Variants in SLC5A6 observed in about 807,000 individuals in gnomAD.
SLC5A6 encodes the protein solute carrier family 5 member 6.
In SLC5A6, 31 loss-of-function variants were observed where a neutral mutation model predicts 67.9. That is an observed-to-expected ratio of 0.46 (90% CI 0.34 to 0.62). SLC5A6 has a LOEUF of 0.62. SLC5A6 is among the 20% of genes least tolerant of loss of function. SLC5A6 has a pLI of 0.01. For missense variants in SLC5A6, 673 were observed against 812.8 expected (o/e 0.83, Z 2.09); for synonymous variants, 343 against 331.0 (o/e 1.04, Z -0.39).
intron 2 of SLC5A6, among the ~76,000 whole-genome samples, chr2:27,209,313 C>T (rs897921950): frequency 6.6e-6 from 1 of 152,248 alleles, no homozygotes; most frequent in Non-Finnish European, 1.5e-5. Flanking sequence ...CATGTAGTTA[C>T]ACAGCCTAAC....
At chr2:27,204,672 A>T (rs1673916817) in intron 8 of SLC5A6, 82 bp from the exon 9 acceptor site, 1 of 1,598,210 alleles carries the variant, frequency 6.3e-7, no homozygotes. Context: ...CAGAAAGGAG[A>T]CCCACATCCT....
intron 12 of SLC5A6, 93 bp downstream of exon 12, chr2:27,202,720 C>G: frequency 2.8e-6 from 3 of 1,084,544 alleles, no homozygotes; most frequent in Non-Finnish European, 2.8e-6. Flanking sequence ...GCCCCCCGGT[C>G]ATTCCCCTCA....
rs971183086 is a variant in SLC5A6 at position 27,206,071 on chromosome 2, C to A, written c.534G>T (p.Leu178=). 2 of 1,614,070 alleles carry A rather than the reference C, an allele frequency of 1.2e-6. No homozygotes were observed. The highest frequency in any genetic ancestry group is 2.7e-5 in the African/African-American group (2 of 74,934). Residue 178 remains leucine (L), a synonymous_variant, in exon 6 of 17, where the codon CTG becomes CTT. Coordinates refer to ENST00000310574, the MANE Select transcript of SLC5A6 (RefSeq NM_021095.4). ...AGACAATGCCCAGGGCCAGCACGGACAGCCACAGATCAAAGCCAGTCACTG... is the reference window on the plus strand; with the variant it reads ...AGACAATGCCCAGGGCCAGCACGGAAAGCCACAGATCAAAGCCAGTCACTG... ...LNAVTGFDLW[L]SVLALGIVCT... is the part of the protein sequence containing the mutation.
Position 27,207,074 on chromosome 2 carries a change from C to T in SLC5A6, c.394-132G>A. 9.9e-7 allele frequency: 1 copy of T among 1,012,914 alleles called. No homozygotes were observed. The highest frequency in any genetic ancestry group is 1.6e-6 in the Non-Finnish European group (1 of 644,096). 62.7% of individuals were successfully genotyped at this position (1,012,914 alleles called of 1,614,324 possible). A position where few individuals can be genotyped will look rare whatever the true frequency, so the allele number is the denominator to read the frequency against. Reference sequence around the variant, plus strand: ...ACTCTGAGTCCTACTCGGCATAGCACCCTCCTCTCCAATCCTGCCCCTATA... The same window carrying T: ...ACTCTGAGTCCTACTCGGCATAGCATCCTCCTCTCCAATCCTGCCCCTATA... On this transcript the variant is annotated intron_variant, in intron 3 of 16. Coordinates refer to ENST00000310574, the MANE Select transcript of SLC5A6 (RefSeq NM_021095.4). This position sits in a 1 kb window ranked among gnomAD's most constrained non-coding sequence, Gnocchi z 5.5.
At chr2:27,212,653 G>C, upstream of SLC5A6, 11 of 1,395,850 alleles carry the variant, frequency 7.9e-6, no homozygotes, top group Non-Finnish European at 1.0e-5. Context: ...CGGCGCCCCA[G>C]TCCTGCCGAC....
At chr2:27,201,560 C>T in intron 14 of SLC5A6, 106 bp downstream of exon 14, 1 of 1,379,444 alleles carries the variant, frequency 7.2e-7, no homozygotes, top group East Asian at 2.3e-5. Context: ...ACCCAATACC[C>T]AACATTTCCC....
chr2:27,200,647 CA>C, intron 16 of SLC5A6, 68 bp from the exon 17 acceptor site: 5 of 1,505,550 alleles, frequency 3.3e-6, no homozygotes, highest in South Asian at 1.3e-5. Flanking sequence ...AGGATTCACA[CA>C]AAAAAGGTCC....
In SLC5A6 at chr2:27,207,086, A is replaced by G; in HGVS notation, c.394-144T>C. On this transcript the variant is annotated intron_variant, in intron 3 of 16. Coordinates refer to ENST00000310574, the MANE Select transcript of SLC5A6 (RefSeq NM_021095.4). The surrounding 1 kb of genome is among the most constrained non-coding windows in gnomAD (Gnocchi z 5.5). ...ACTCGGCATAGCACCCTCCTCTCCAATCCTGCCCCTATACCTAACATCACT... is the reference window on the plus strand; with the variant it reads ...ACTCGGCATAGCACCCTCCTCTCCAGTCCTGCCCCTATACCTAACATCACT... 9.7e-7 allele frequency: 1 copy of G among 1,028,442 alleles called. No homozygotes were observed. The highest frequency in any genetic ancestry group is 1.5e-6 in the Non-Finnish European group (1 of 662,752). The allele number at this position is 1,028,442 out of a possible 1,614,324, so 63.7% of individuals were successfully genotyped here.
chr2:27,207,402 C>T lies in SLC5A6; in HGVS notation c.249G>A (p.Val83=). 6.2e-7 allele frequency: 1 copy of T among 1,614,150 alleles called. No homozygotes were observed. The highest frequency in any genetic ancestry group is 8.5e-7 in the Non-Finnish European group (1 of 1,180,022). Residue 83 remains valine, a synonymous_variant, in exon 3 of 17, where the codon GTG becomes GTA. Transcript: ENST00000310574. The surrounding 1 kb of genome is among the most constrained non-coding windows in gnomAD (Gnocchi z 5.5). The stretch of plus-strand genomic sequence containing the variant: ...TCTCTGACGGCACACCCAGGATGGC[C>T]ACGGCTGACTGGAAGGTGGCCAGCA... ...LSLLATFQSA[V]AILGVPSEIY...
At chr2:27,201,160 C>G (rs1673606281) in intron 15 of SLC5A6, 47 bp from the exon 16 acceptor site, 3 of 1,430,520 alleles carry the variant, frequency 2.1e-6, no homozygotes, top group African/African-American at 1.4e-5. Context: ...CCATCCACAG[C>G]AGCGGGCCCC....
chr2:27,206,586 G>C (rs1276508173), intron 4 of SLC5A6, 52 bp from the exon 5 acceptor site: 5 of 1,548,036 alleles, frequency 3.2e-6, no homozygotes, highest in Non-Finnish European at 4.5e-6. Context: ...TGGGAAGAGA[G>C]AGGAAGAAAG....
chr2:27,203,823 G>A lies in SLC5A6; in HGVS notation c.1050C>T (p.Gly350=). ...GGCAGGCAATGAAGAGCCCTGGCAG[G>A]CCTGGCAGGCCCTTCAGGAGATCCA... ...FVMDLLKGLP[G]LPGLFIACLF... The change falls in exon 10 of 17, where the codon GGC becomes GGT. Residue 350 remains glycine (G), a synonymous_variant. Transcript: ENST00000310574. The A allele has an allele frequency of 6.2e-7, 1 of 1,614,048 alleles. No individual in the cohort carries two copies. The highest frequency in any genetic ancestry group is 8.5e-7 in the Non-Finnish European group (1 of 1,179,932).
At position 27,206,067 on chromosome 2, in the gene SLC5A6, C is replaced by T. The variant is rs201044201; in HGVS notation, c.538G>A (p.Val180Met). 40 of 1,614,138 alleles carry T rather than the reference C, an allele frequency of 2.5e-5. No homozygotes were observed. The highest frequency in any genetic ancestry group is 2.1e-4 in the South Asian group (19 of 91,078). ...AVTGFDLWLS[V>M]LALGIVCTVY... ...GTACAGACAATGCCCAGGGCCAGCA[C>T]GGACAGCCACAGATCAAAGCCAGTC... The change falls in exon 6 of 17, where the codon GTG (valine) becomes ATG (methionine). Residue 180 changes from valine to methionine, a missense_variant. By Grantham distance (21) the Val-to-Met change is conservative. Transcript: ENST00000310574.
intron 6 of SLC5A6, 77 bp downstream of exon 6, chr2:27,205,949 C>CT: frequency 8.9e-7 from 1 of 1,123,802 alleles, no homozygotes; most frequent in South Asian, 1.3e-5. Flanking sequence ...CAGCTTATCT[C>CT]TTCTTTTCCT....
intron 2 of SLC5A6, among the ~76,000 whole-genome samples, chr2:27,209,379 G>A (rs1336279755): frequency 6.6e-6 from 1 of 152,182 alleles, no homozygotes; most frequent in East Asian, 1.9e-4. Context: ...AGTGTGTGAG[G>A]TGCTTTATAA....
chr2:27,204,415 G>A (rs771663106), intron 9 of SLC5A6, 46 bp downstream of exon 9: 6 of 1,567,564 alleles, frequency 3.8e-6, no homozygotes, highest in Non-Finnish European at 5.2e-6. Context: ...CACTCCTGTT[G>A]TGGGGCCAGG....
rs1348150711 is a variant in SLC5A6 at position 27,201,033 on chromosome 2, A to G, written c.1729T>C (p.Cys577Arg). The change falls in exon 16 of 17, where the codon TGT (cysteine) becomes CGT (arginine). Residue 577 changes from cysteine to arginine, a missense_variant. By Grantham distance (180) the Cys-to-Arg change is radical. Transcript: ENST00000310574. ...CTCCTGCAGTGGAGCCGCTTCTGACAGGACAACGGAAGGAGGGACAGGAGC... is the reference window on the plus strand; with the variant it reads ...CTCCTGCAGTGGAGCCGCTTCTGACGGGACAACGGAAGGAGGGACAGGAGC... ...PKLLSLLPLS[C>R]QKRLHCRSYG... 7 of 1,613,726 alleles carry G rather than the reference A, an allele frequency of 4.3e-6. No homozygotes were observed. Among genetic ancestry groups the G allele is most frequent in the South Asian group, 3.3e-5 (3 of 91,020 alleles).
At position 27,207,115 on chromosome 2, in the gene SLC5A6, A is replaced by G; in HGVS notation, c.393+143T>C. The G allele has an allele frequency of 9.2e-7, 1 of 1,082,860 alleles. No homozygotes were observed. 67.1% of individuals were successfully genotyped at this position (1,082,860 alleles called of 1,614,324 possible). On this transcript the variant is annotated intron_variant, in intron 3 of 16. Transcript: ENST00000310574. The surrounding 1 kb of genome is among the most constrained non-coding windows in gnomAD (Gnocchi z 5.5). ...TGCCCCTATACCTAACATCACTGAG[A>G]AAGAATTATAAACACACAATGAGTT... is the stretch of plus-strand genomic sequence containing the variant.
At chr2:27,212,368 A>G, upstream of SLC5A6, 1 of 1,550,376 alleles carries the variant, frequency 6.5e-7, no homozygotes, top group Non-Finnish European at 8.7e-7. Flanking sequence ...GGGAACGGAA[A>G]ATGGCGCCTC....
Sources: allele counts gnomAD v4.1 joint callset (sites outside exome capture counted in the v4.1 genomes callset), GRCh38; gene constraint gnomAD v4.1.1; non-coding constraint Gnocchi (gnomAD v3.1); transcripts MANE v1.5; gene names NCBI Gene and HGNC (gene_info 2026-07-23, HGNC 2026-07-21).